The following PCDHGC5 variants were observed in gnomAD, a reference collection of about 807,000 sequenced individuals.
PCDHGC5 encodes the protein protocadherin gamma subfamily C, 5.
A neutral mutation model predicts 59.0 loss-of-function variants in PCDHGC5; 25 were observed. That is an observed-to-expected ratio of 0.42 (90% CI 0.31 to 0.59). The LOEUF (loss-of-function observed/expected upper bound fraction) is 0.59. Among genes scored for constraint, PCDHGC5 ranks in the 20% least tolerant of loss-of-function variants. PCDHGC5 has a pLI of 0.13. For synonymous variants in PCDHGC5, 434 were observed against 505.5 expected, an observed-to-expected ratio of 0.86 and a Z score of 1.90; for missense variants, 1,067 against 1,206.4, an observed-to-expected ratio of 0.88 and a Z score of 1.71.
intron 1 of PCDHGC5, among the ~76,000 whole-genome samples, chr5:141,492,084 G>C (rs979755390): frequency 2.0e-5 from 3 of 152,236 alleles, no homozygotes; most frequent in African/African-American, 7.2e-5. Flanking sequence ...GCTCCGGCAC[G>C]CTTCGCCGGT....
In PCDHGC5 at chr5:141,490,000, A is replaced by G. The variant is rs762999106; in HGVS notation, c.760A>G (p.Asn254Asp). The G allele has an allele frequency of 6.2e-7, 1 of 1,614,198 alleles. No individual in the cohort carries two copies. Among genetic ancestry groups the G allele is most frequent in the Admixed American group, 1.7e-5 (1 of 60,032 alleles). ...AGTTCTACGTGTGGGAATCCCAGAG[A>G]ATGCACCCATTGGTACTCTGCTGCT... The part of the protein sequence containing the change: ...SSVLRVGIPE[N>D]APIGTLLLRL... Residue 254 changes from asparagine (N) to aspartate (D), a missense_variant, in exon 1 of 4, where the codon AAT becomes GAT. Asn to Asp is a conservative substitution (Grantham distance 23). Coordinates refer to ENST00000252087, the MANE Select transcript of PCDHGC5 (RefSeq NM_018929.3). The surrounding 1 kb of genome is among the most constrained non-coding windows in gnomAD (Gnocchi z 4.5).
chr5:141,494,764 T>A (rs773955144), intron 1 of PCDHGC5, 43 bp from the exon 2 acceptor site: 1 of 1,613,932 alleles, frequency 6.2e-7, no homozygotes, highest in Non-Finnish European at 8.5e-7. Context: ...ACATTCTAAC[T>A]TCTCACGGGT....
Position 141,491,984 on chromosome 5 carries a change from C to G in PCDHGC5, c.2460+284C>G. 1.4e-6 allele frequency: 1 copy of G among 734,256 alleles called. No homozygotes were observed. The highest frequency in any genetic ancestry group is 3.2e-5 in the East Asian group (1 of 31,678). The allele number at this position is 734,256 out of a possible 1,614,324, so 45.5% of individuals were successfully genotyped here. ...AAGGCCGGGGCCTCCTTCGAGCTTC[C>G]GGTGAATTTCGGGCGATTTCCGCGG... On this transcript the variant is annotated intron_variant, in intron 1 of 3. Coordinates refer to ENST00000252087, the MANE Select transcript of PCDHGC5 (RefSeq NM_018929.3). The surrounding 1 kb of genome is among the most constrained non-coding windows in gnomAD (Gnocchi z 6.9).
chr5:141,500,269 C>T (rs977958449), intron 2 of PCDHGC5, among the ~76,000 whole-genome samples: 1 of 151,504 alleles, frequency 6.6e-6, no homozygotes, highest in African/African-American at 2.4e-5. Context: ...ACTGCAGTGG[C>T]GCAATCTCGG....
Position 141,490,220 on chromosome 5 carries a change from A to G in PCDHGC5, c.980A>G (p.Gln327Arg). 6.2e-7 allele frequency: 1 copy of G among 1,614,252 alleles called. No individual in the cohort carries two copies. Among genetic ancestry groups the G allele is most frequent in the Non-Finnish European group, 8.5e-7 (1 of 1,180,044 alleles). The change falls in exon 1 of 4, where the codon CAG becomes CGG. Residue 327 changes from glutamine to arginine, a missense_variant. By Grantham distance (43) the Gln-to-Arg change is conservative (BLOSUM62 1). Coordinates refer to ENST00000252087, the MANE Select transcript of PCDHGC5 (RefSeq NM_018929.3). This position sits in a 1 kb window ranked among gnomAD's most constrained non-coding sequence, Gnocchi z 5.4. The stretch of plus-strand genomic sequence containing the variant: ...CATGCAAGAGCCCGTGACCAGGGAC[A>G]GCCTGCCATGGAGGGCCACTGTGTG... ...EIHARARDQG[Q>R]PAMEGHCVIQ...
chr5:141,489,268 G>C lies in PCDHGC5; in HGVS notation c.28G>C (p.Ala10Pro). 6.4e-7 allele frequency: 1 copy of C among 1,553,286 alleles called. No individual in the cohort carries two copies. The highest frequency in any genetic ancestry group is 8.7e-7 in the Non-Finnish European group (1 of 1,149,780). MGPKTLPQLAGKWQVLCMLS... is the reference protein window; with the variant it reads MGPKTLPQLPGKWQVLCMLS... ...GGGGCCCAAGACACTCCCACAGCTC[G>C]CTGGGAAATGGCAAGTGCTGTGCAT... Residue 10 changes from alanine to proline, a missense_variant, in exon 1 of 4, where the codon GCT becomes CCT. Physicochemically the swap from Ala to Pro is conservative, Grantham distance 27. Transcript: ENST00000252087. The surrounding 1 kb of genome is among the most constrained non-coding windows in gnomAD (Gnocchi z 4.5).
chr5:141,505,443 C>A lies in PCDHGC5; in HGVS notation c.2570C>A (p.Thr857Lys). ...TGTWPNNQFD[T>K]EMLQAMILAS... ...ACCTGGCCCAACAACCAGTTTGACA[C>A]AGAGATGCTGCAAGCCATGATCTTG... Residue 857 changes from threonine to lysine, a missense_variant, in exon 3 of 4, where the codon ACA becomes AAA. Physicochemically the swap from Thr to Lys is moderately conservative, Grantham distance 78. Transcript: ENST00000252087. 2 of 1,614,224 alleles carry A rather than the reference C, an allele frequency of 1.2e-6. No homozygotes were observed. Among genetic ancestry groups the A allele is most frequent in the Non-Finnish European group, 8.5e-7 (1 of 1,180,042 alleles).
intron 2 of PCDHGC5, among the ~76,000 whole-genome samples, chr5:141,496,116 C>G (rs1435887981): frequency 6.6e-6 from 1 of 152,178 alleles, no homozygotes; most frequent in Middle Eastern, 3.4e-3. Flanking sequence ...TCTCTTCCTT[C>G]CCTGCCCCTC....
chr5:141,497,005 A>T (rs1249733879), intron 2 of PCDHGC5, among the ~76,000 whole-genome samples: 1 of 152,134 alleles, frequency 6.6e-6, no homozygotes, highest in Non-Finnish European at 1.5e-5. Context: ...GGCAGCCAAC[A>T]TGGTGAAACC....
Position 141,508,665 on chromosome 5 carries a change from C to T in PCDHGC5, c.2609-2282C>T, listed in dbSNP as rs181641281. ...CGTCAGGCCCTTCCTGTCATTCTGT[C>T]TCTGCCTCCCTTCTCCCTGCTTCTC... On this transcript the variant is annotated intron_variant, in intron 3 of 3. Coordinates refer to ENST00000252087, the MANE Select transcript of PCDHGC5 (RefSeq NM_018929.3). Among the ~76,000 whole-genome samples the T allele has an allele frequency of 3.7e-3, 564 of 152,254 alleles. 5 individuals carry two copies. Among genetic ancestry groups the T allele is most frequent in the Admixed American group, 0.011 (164 of 15,296 alleles).
chr5:141,494,661 G>A, intron 1 of PCDHGC5, 146 bp from the exon 2 acceptor site: 2 of 1,492,976 alleles, frequency 1.3e-6, no homozygotes, highest in Non-Finnish European at 1.8e-6. Context: ...TTTGTCTTTG[G>A]AGATGAGTCC....
chr5:141,503,506 G>A (rs2099820313), intron 2 of PCDHGC5, among the ~76,000 whole-genome samples: 1 of 151,616 alleles, frequency 6.6e-6, no homozygotes, highest in African/African-American at 2.4e-5. Context: ...GGCTGAGGCA[G>A]GAGAATCACT....
chr5:141,497,406 C>T lies in PCDHGC5; in HGVS notation c.2519+2541C>T, dbSNP rs892691245. 1.2e-4 allele frequency among the ~76,000 whole-genome samples: 19 copies of T among 152,174 alleles called. No individual in the cohort carries two copies. The East Asian group carries it at 1.5e-3, about 12-fold the overall frequency. ...AGCACCTTACCCCTGCCTCAACTCC[C>T]ATTCCATCAAATGAGAGGCTTAGTG... On this transcript the variant is annotated intron_variant, in intron 2 of 3. Transcript: ENST00000252087.
At chr5:141,510,169 A>G (rs927072830) in intron 3 of PCDHGC5, among the ~76,000 whole-genome samples, 7 of 151,230 alleles carry the variant, frequency 4.6e-5, no homozygotes, top group Non-Finnish European at 1.0e-4. Context: ...GCTACTCAGG[A>G]GGTTGAGGCA....
Position 141,495,110 on chromosome 5 carries a change from T to C in PCDHGC5, c.2519+245T>C, listed in dbSNP as rs74534116. Among the ~76,000 whole-genome samples the C allele has an allele frequency of 3.9e-3, 595 of 152,212 alleles. 3 individuals carry two copies. The highest frequency in any genetic ancestry group is 0.013 in the African/African-American group (538 of 41,532). On this transcript the variant is annotated intron_variant, in intron 2 of 3. Coordinates refer to ENST00000252087, the MANE Select transcript of PCDHGC5 (RefSeq NM_018929.3). The stretch of plus-strand genomic sequence containing the variant: ...TTCCCTCCTCGCCACGACCGGCACC[T>C]TTTCCTATCCCCTGAGGGCACTGTG...
In PCDHGC5 at chr5:141,493,482, G is replaced by T. The variant is rs184736387; in HGVS notation, c.2461-1325G>T. The stretch of plus-strand genomic sequence containing the variant: ...TTTTAGGACCTTACATGTGGGGAAA[G>T]TCTTCTGTGGCTCCTCATTTCTGAG... On this transcript the variant is annotated intron_variant, in intron 1 of 3. Coordinates refer to ENST00000252087, the MANE Select transcript of PCDHGC5 (RefSeq NM_018929.3). The surrounding 1 kb of genome is among the most constrained non-coding windows in gnomAD (Gnocchi z 4.3). 6.6e-6 allele frequency among the ~76,000 whole-genome samples: 1 copy of T among 152,206 alleles called. No individual in the cohort carries two copies. Among genetic ancestry groups the T allele is most frequent in the Admixed American group, 6.5e-5 (1 of 15,282 alleles).
chr5:141,497,689 A>G (rs951295378), intron 2 of PCDHGC5, among the ~76,000 whole-genome samples: 1 of 151,958 alleles, frequency 6.6e-6, no homozygotes, highest in African/African-American at 2.4e-5. Flanking sequence ...GCAGGTGTGC[A>G]CCACCACACC....
chr5:141,490,585 G>C lies in PCDHGC5; in HGVS notation c.1345G>C (p.Asp449His). The change falls in exon 1 of 4, where the codon GAC becomes CAC. Residue 449 changes from aspartate to histidine, a missense_variant. Physicochemically the swap from Asp to His is moderately conservative, Grantham distance 81. Transcript: ENST00000252087. The surrounding 1 kb of genome is among the most constrained non-coding windows in gnomAD (Gnocchi z 5.4). The part of the protein sequence containing the change: ...TIRLNISDVN[D>H]NAPRFNQQLY... Reference sequence around the variant, plus strand: ...CAGGCTCAACATTTCAGATGTCAATGACAATGCACCCCGCTTCAACCAGCA... The same window carrying C: ...CAGGCTCAACATTTCAGATGTCAATCACAATGCACCCCGCTTCAACCAGCA... The C allele has an allele frequency of 6.2e-7, 1 of 1,614,142 alleles. No homozygotes were observed. Among genetic ancestry groups the C allele is most frequent in the South Asian group, 1.1e-5 (1 of 91,078 alleles).
Position 141,493,788 on chromosome 5 carries a change from C to A in PCDHGC5, c.2461-1019C>A, listed in dbSNP as rs2099750132. On this transcript the variant is annotated intron_variant, in intron 1 of 3. Transcript: ENST00000252087. This position sits in a 1 kb window ranked among gnomAD's most constrained non-coding sequence, Gnocchi z 4.3. ...ACTGGCAGTTCCGGAGCTTCCTTCT[C>A]CCTGGAGTAATCTGAGATACTCACA... 6.6e-6 allele frequency among the ~76,000 whole-genome samples: 1 copy of A among 152,162 alleles called. No homozygotes were observed. The highest frequency in any genetic ancestry group is 1.5e-5 in the Non-Finnish European group (1 of 68,026).
Sources: gnomAD v4.1 joint callset for allele counts (sites outside exome capture counted in the v4.1 genomes callset) on GRCh38, gnomAD v4.1.1 for gene constraint, Gnocchi (gnomAD v3.1) non-coding constraint, MANE v1.5 for transcripts, NCBI Gene and HGNC (gene_info 2026-07-23, HGNC 2026-07-21) for gene names.